The following XPO7 variants were observed in gnomAD, a reference collection of about 807,000 sequenced individuals.
XPO7 encodes exportin-7.
XPO7 carries 21 observed loss-of-function variants against 144.3 expected under a neutral mutation model. That is an observed-to-expected ratio of 0.15 (90% CI 0.10 to 0.21). The LOEUF is 0.21. XPO7 is among the 10% of genes least tolerant of loss of function. XPO7 has a pLI of 1.00. For synonymous variants in XPO7, 580 were observed against 499.6 expected, an observed-to-expected ratio of 1.16 and a Z score of -2.15; for missense variants, 808 against 1,325.8, an observed-to-expected ratio of 0.61 and a Z score of 6.06.
rs201904355 is a variant in XPO7, at chr8:21,970,265, C to G, written c.381C>G (p.Asp127Glu). The change falls in exon 4 of 28, where the codon GAC (aspartate) becomes GAG (glutamate). Residue 127 changes from aspartate to glutamate, a missense_variant. By Grantham distance (45) the Asp-to-Glu change is conservative. Transcript: ENST00000252512. Reference sequence around the variant, plus strand: ...GCTGGTTTGACTGTCAGAAGGATGACTATGTCTTCAGAAATGCAATCACAG... The same window carrying G: ...GCTGGTTTGACTGTCAGAAGGATGAGTATGTCTTCAGAAATGCAATCACAG... ...KLGWFDCQKDDYVFRNAITDV... is the reference protein window; with the variant it reads ...KLGWFDCQKDEYVFRNAITDV... The G allele has an allele frequency of 6.2e-7, 1 of 1,613,578 alleles. No individual in the cohort carries two copies. The highest frequency in any genetic ancestry group is 8.5e-7 in the Non-Finnish European group (1 of 1,179,774).
chr8:21,982,023 C>T (rs370090204), intron 10 of XPO7, 146 bp downstream of exon 10: 61 of 1,046,386 alleles, frequency 5.8e-5, no homozygotes, highest in East Asian at 3.4e-4. Context: ...CTATTGTGGC[C>T]TGTGATTTAC....
At chr8:21,990,757 A>AT (rs1812745160) in intron 17 of XPO7, 54 bp from the exon 18 acceptor site, 2 of 1,545,746 alleles carry the variant, frequency 1.3e-6, no homozygotes, top group African/African-American at 2.7e-5. Context: ...ACTGGCTTGC[A>AT]TTCTGCCTCT....
chr8:21,999,161 C>T lies in XPO7; in HGVS notation c.2499C>T (p.Ser833=), dbSNP rs1813052368. The change falls in exon 23 of 28, where the codon TCC becomes TCT. Residue 833 remains serine, a synonymous_variant. Transcript: ENST00000252512. ...ATGCTCTGAAGCTCAAGGGCATCTC[C>T]ATCTGCTTCTCCATGCTGAAGGCTG... ...QVYALKLKGI[S]ICFSMLKAAL... is the part of the protein sequence containing the mutation. 6.2e-7 allele frequency: 1 copy of T among 1,613,860 alleles called. No homozygotes were observed. Among genetic ancestry groups the T allele is most frequent in the Admixed American group, 1.7e-5 (1 of 60,008 alleles).
Position 22,006,276 on chromosome 8 carries a change from A to G in XPO7, c.*1188A>G, listed in dbSNP as rs1355358978. On this transcript the variant is annotated 3_prime_UTR_variant, in exon 28 of 28. Coordinates refer to ENST00000252512, the MANE Select transcript of XPO7 (RefSeq NM_015024.5). Reference sequence around the variant, plus strand: ...ATAATAAATGTTTTGAATATTAAAAAAAATAATAACCTACAGAGGAAAATT... The same window carrying G: ...ATAATAAATGTTTTGAATATTAAAAGAAATAATAACCTACAGAGGAAAATT... 1 of 152,244 alleles carries G rather than the reference A, an allele frequency of 6.6e-6. No individual in the cohort carries two copies. Among genetic ancestry groups the G allele is most frequent in the African/African-American group, 2.4e-5 (1 of 41,468 alleles). 9.4% of individuals were successfully genotyped at this position (152,244 alleles called of 1,614,324 possible).
chr8:21,992,494 C>T (rs1443623390), intron 19 of XPO7, among the ~76,000 whole-genome samples: 1 of 152,142 alleles, frequency 6.6e-6, no homozygotes, highest in Non-Finnish European at 1.5e-5. Context: ...GAGATTTCTT[C>T]TTTGACACTT....
In XPO7 at chr8:21,999,631, C is replaced by T; in HGVS notation, c.2739C>T (p.Ile913=). The T allele has an allele frequency of 6.2e-7, 1 of 1,614,010 alleles. No homozygotes were observed. The highest frequency in any genetic ancestry group is 1.7e-5 in the Admixed American group (1 of 60,030). The change falls in exon 24 of 28, where the codon ATC becomes ATT. Residue 913 remains isoleucine, a synonymous_variant. Transcript: ENST00000252512. ...TTGCAAGCCTGGAACCTCACGTCATCATGTATATTCTCTCTTCCATTTCTG... is the reference window on the plus strand; with the variant it reads ...TTGCAAGCCTGGAACCTCACGTCATTATGTATATTCTCTCTTCCATTTCTG... ...NFIASLEPHV[I]MYILSSISEG...
In XPO7 at chr8:21,970,188, A is replaced by G. The variant is rs776042893; in HGVS notation, c.304A>G (p.Thr102Ala). 1.4e-5 allele frequency: 22 copies of G among 1,613,644 alleles called. No individual in the cohort carries two copies. In the African/African-American group the frequency reaches 2.3e-4, roughly 17 times the overall value. Residue 102 changes from threonine to alanine, a missense_variant, in exon 4 of 28, where the codon ACT becomes GCT. Around this residue, in one of 5 missense-constraint regions of XPO7, gnomAD observed 223 missense variants for 368.8 expected, o/e 0.60. Coordinates refer to ENST00000252512, the MANE Select transcript of XPO7 (RefSeq NM_015024.5). ...CCTTGCCACTCGGCCGAAGTTGGCT[A>G]CTTTCGTGACACAAGCACTTATTCA... is the stretch of plus-strand genomic sequence containing the variant. ...NYLATRPKLA[T>A]FVTQALIQLY...
chr8:21,953,313 C>G (rs992045585), intron 1 of XPO7, among the ~76,000 whole-genome samples: 1 of 152,174 alleles, frequency 6.6e-6, no homozygotes, highest in African/African-American at 2.4e-5. Context: ...ACTGCTCTTT[C>G]TGCTGTCTCT....
chr8:21,951,587 C>G (rs117475883), intron 1 of XPO7, among the ~76,000 whole-genome samples: 6,925 of 152,182 alleles, frequency 0.046, 221 homozygotes, highest in Non-Finnish European at 0.071. Flanking sequence ...ATAAAACCAC[C>G]AGTTAAAGCC....
At chr8:21,931,701 C>T (rs1011673393) in intron 1 of XPO7, among the ~76,000 whole-genome samples, 3 of 152,192 alleles carry the variant, frequency 2.0e-5, no homozygotes, top group African/African-American at 4.8e-5. Context: ...GCCAATACCC[C>T]TTAAAGGTTT....
At chr8:21,973,497 C>G (rs1563327631) in intron 5 of XPO7, among the ~76,000 whole-genome samples, 1 of 152,088 alleles carries the variant, frequency 6.6e-6, no homozygotes, top group African/African-American at 2.4e-5. Flanking sequence ...TTTTGAGCCT[C>G]TAAATAATTT....
intron 5 of XPO7, among the ~76,000 whole-genome samples, chr8:21,973,273 GC>G (rs1356353544): frequency 6.6e-6 from 1 of 152,072 alleles, no homozygotes; most frequent in African/African-American, 2.4e-5. Context: ...TTGAAGCTTG[GC>G]CCCACAGAGT....
At chr8:21,994,586 G>T (rs1248849184) in intron 20 of XPO7, 135 bp downstream of exon 20, 4 of 753,488 alleles carry the variant, frequency 5.3e-6, no homozygotes, top group Non-Finnish European at 8.6e-6. Context: ...CAGAAGGCCT[G>T]CATGTGTCCT....
chr8:21,990,677 A>G, intron 17 of XPO7, 134 bp from the exon 18 acceptor site: 3 of 981,240 alleles, frequency 3.1e-6, no homozygotes, highest in Non-Finnish European at 4.5e-6. Context: ...TCAAAAAAAA[A>G]AAAACCTTCA....
chr8:21,963,627 G>A (rs530361433), intron 1 of XPO7, among the ~76,000 whole-genome samples: 11 of 151,922 alleles, frequency 7.2e-5, no homozygotes, highest in Non-Finnish European at 1.2e-4. Flanking sequence ...CCCAGGAGGC[G>A]GAGGTTACAG....
chr8:21,947,460 A>C (rs865817032), intron 1 of XPO7, among the ~76,000 whole-genome samples: 1 of 152,338 alleles, frequency 6.6e-6, no homozygotes, highest in Middle Eastern at 3.4e-3. Context: ...CCTCAAAATG[A>C]AAAGCCAGTT....
intron 1 of XPO7, among the ~76,000 whole-genome samples, chr8:21,936,454 A>G (rs1036542011): frequency 2.6e-5 from 4 of 152,204 alleles, no homozygotes; most frequent in African/African-American, 9.7e-5. Flanking sequence ...CAATGTTACT[A>G]TATGTATTAA....
intron 27 of XPO7, among the ~76,000 whole-genome samples, 184 bp from the exon 28 acceptor site, chr8:22,004,811 A>G (rs1370839302): frequency 6.6e-6 from 1 of 151,810 alleles, no homozygotes; most frequent in African/African-American, 2.4e-5. Context: ...TCAGGGCCCC[A>G]GATTTGACCA....
chr8:21,966,780 T>C (rs1811898891), intron 1 of XPO7, 77 bp from the exon 2 acceptor site: 2 of 1,516,628 alleles, frequency 1.3e-6, no homozygotes, highest in Non-Finnish European at 8.8e-7. Context: ...TATTTATCTT[T>C]GTTTATTAAT....
Sources: allele counts gnomAD v4.1 joint callset (sites outside exome capture counted in the v4.1 genomes callset), GRCh38; gene constraint gnomAD v4.1.1; regional missense constraint gnomAD v4.1.1; transcripts MANE v1.5; gene names NCBI Gene and HGNC (gene_info 2026-07-23, HGNC 2026-07-21).